The following SLC12A1 variants were observed in gnomAD, a reference collection of about 807,000 sequenced individuals.
SLC12A1 encodes the protein solute carrier family 12 member 1, also known as Na-K-2Cl cotransporter.
Under a neutral mutation model 130.4 loss-of-function variants are expected in SLC12A1, and 89 were observed. That is an observed-to-expected ratio of 0.68 (90% CI 0.58 to 0.81). The LOEUF is 0.81. SLC12A1 is among the 40% of genes least tolerant of loss of function. The pLI is 0.00. For missense variants in SLC12A1, 1,310 were observed against 1,336.4 expected (o/e 0.98, Z 0.31); for synonymous variants, 499 against 460.0 (o/e 1.08, Z -1.09).
rs371294005 is a variant in SLC12A1 at position 48,234,888 on chromosome 15, G to A, written c.1099G>A (p.Ala367Thr). The change falls in exon 9 of 27, where the codon GCA becomes ACA. Residue 367 changes from alanine to threonine, a missense_variant. By Grantham distance (58) the Ala-to-Thr change is moderately conservative. Coordinates refer to ENST00000380993, the MANE Select transcript of SLC12A1 (RefSeq NM_000338.3). Reference protein sequence around the residue: ...GFFNYQASIFAENFGPRFTKG... With the variant: ...GFFNYQASIFTENFGPRFTKG... ...AATTTATGTTGCAGCATCAATATTTGCAGAAAACTTTGGGCCACGCTTCAC... is the reference window on the plus strand; with the variant it reads ...AATTTATGTTGCAGCATCAATATTTACAGAAAACTTTGGGCCACGCTTCAC... The A allele has an allele frequency of 5.9e-5, 95 of 1,613,630 alleles. No individual in the cohort carries two copies. Among genetic ancestry groups the A allele is most frequent in the Non-Finnish European group, 7.7e-5 (91 of 1,179,754 alleles).
rs1175659978 is a variant in SLC12A1, at chr15:48,267,612, C to G, written c.2206C>G (p.Gln736Glu). The G allele has an allele frequency of 1.2e-6, 2 of 1,613,486 alleles. No individual in the cohort carries two copies. The highest frequency in any genetic ancestry group is 1.7e-5 in the Admixed American group (1 of 59,972). Reference sequence around the variant, plus strand: ...GATGAACAGTGGCATGGCGAAAAAACAGGCCTGGCTTATAAAGAACAAAAT... The same window carrying G: ...GATGAACAGTGGCATGGCGAAAAAAGAGGCCTGGCTTATAAAGAACAAAAT... ...KEMNSGMAKK[Q>E]AWLIKNKIKA... Residue 736 changes from glutamine (Q) to glutamate (E), a missense_variant, in exon 18 of 27, where the codon CAG (glutamine) becomes GAG (glutamate). By Grantham distance (29) the Gln-to-Glu change is conservative. Coordinates refer to ENST00000380993, the MANE Select transcript of SLC12A1 (RefSeq NM_000338.3).
intron 2 of SLC12A1, among the ~76,000 whole-genome samples, chr15:48,208,995 G>T (rs2041018250): frequency 6.6e-6 from 1 of 152,218 alleles, no homozygotes; most frequent in East Asian, 1.9e-4. Flanking sequence ...CAGCAGAAGT[G>T]ACTAAACTTT....
At chr15:48,249,277 T>C (rs1160014762) in intron 13 of SLC12A1, among the ~76,000 whole-genome samples, 2 of 118,670 alleles carry the variant, frequency 1.7e-5, no homozygotes, top group African/African-American at 1.2e-4. Flanking sequence ...CCAGAAAAGC[T>C]ACAGGGAGTT....
chr15:48,267,595 G>A lies in SLC12A1; in HGVS notation c.2189G>A (p.Ser730Asn), dbSNP rs899498489. The A allele has an allele frequency of 1.2e-6, 2 of 1,613,588 alleles. No homozygotes were observed. Among genetic ancestry groups the A allele is most frequent in the Middle Eastern group, 3.3e-4 (2 of 6,060 alleles). ...PRKLCVKEMN[S>N]GMAKKQAWLI... ...AAACTGTGTGTTAAGGAGATGAACAGTGGCATGGCGAAAAAACAGGCCTGG... is the reference window on the plus strand; with the variant it reads ...AAACTGTGTGTTAAGGAGATGAACAATGGCATGGCGAAAAAACAGGCCTGG... Residue 730 changes from serine (S) to asparagine (N), a missense_variant, in exon 18 of 27, where the codon AGT becomes AAT. Coordinates refer to ENST00000380993, the MANE Select transcript of SLC12A1 (RefSeq NM_000338.3).
At chr15:48,267,837 T>C in intron 18 of SLC12A1, 136 bp downstream of exon 18, 1 of 908,534 alleles carries the variant, frequency 1.1e-6, no homozygotes, top group Non-Finnish European at 1.7e-6. Context: ...GGGATTATTT[T>C]GAATTCCTGG....
At chr15:48,227,638 G>C (rs1272155819) in intron 5 of SLC12A1, 1 of 159,232 alleles carries the variant, frequency 6.3e-6, no homozygotes, top group Non-Finnish European at 1.4e-5. Flanking sequence ...CATTAGAAGG[G>C]AATAAACAAA....
At chr15:48,226,725 G>T in intron 5 of SLC12A1, 154 bp downstream of exon 5, 3 of 660,136 alleles carry the variant, frequency 4.5e-6, no homozygotes, top group South Asian at 3.6e-5. Flanking sequence ...CCTAAGGTAC[G>T]ATGAGAATAG....
chr15:48,273,193 G>A (rs187767286), intron 19 of SLC12A1, among the ~76,000 whole-genome samples: 2 of 151,978 alleles, frequency 1.3e-5, no homozygotes, highest in Admixed American at 6.5e-5. Flanking sequence ...CCCTTCCGGA[G>A]GCTCTAGGAT....
At chr15:48,230,864 A>G (rs892552884) in intron 7 of SLC12A1, among the ~76,000 whole-genome samples, 13 of 151,352 alleles carry the variant, frequency 8.6e-5, no homozygotes, top group African/African-American at 3.0e-4. Flanking sequence ...CCCAAGAGAA[A>G]TGGCAAGTGT....
At chr15:48,292,363 G>T (rs1332630506) in intron 24 of SLC12A1, among the ~76,000 whole-genome samples, 1 of 152,034 alleles carries the variant, frequency 6.6e-6, no homozygotes. Flanking sequence ...TATGAATTTT[G>T]GGGGGACGTC....
chr15:48,219,600 G>T (rs1567304991), intron 2 of SLC12A1, among the ~76,000 whole-genome samples: 1 of 149,228 alleles, frequency 6.7e-6, no homozygotes, highest in African/African-American at 2.5e-5. Flanking sequence ...ATGAAAGAAA[G>T]AAAGAAAGAG....
Position 48,288,184 on chromosome 15 carries a change from T to C in SLC12A1, c.2761+10T>C, listed in dbSNP as rs2042080002. The C allele has an allele frequency of 1.9e-6, 3 of 1,605,476 alleles. No individual in the cohort carries two copies. Among genetic ancestry groups the C allele is most frequent in the Non-Finnish European group, 2.6e-6 (3 of 1,175,740 alleles). ...TTGTTTGATGATGGAGGTAAAAACT[T>C]TCAGAAAATACACTAGGGACAAGAA... is the stretch of plus-strand genomic sequence containing the variant. On this transcript the variant is annotated intron_variant, in intron 22 of 26. Transcript: ENST00000380993.
At chr15:48,261,691 A>G (rs74848231) in intron 17 of SLC12A1, among the ~76,000 whole-genome samples, 3,078 of 152,320 alleles carry the variant, frequency 0.02, 39 homozygotes, top group Non-Finnish European at 0.03. Flanking sequence ...TTCCAAAAGG[A>G]CAATGGTTGA....
At chr15:48,236,640 A>C (rs535523977) in intron 9 of SLC12A1, among the ~76,000 whole-genome samples, 2 of 152,310 alleles carry the variant, frequency 1.3e-5, no homozygotes, top group South Asian at 4.1e-4. Flanking sequence ...TAAATAAATA[A>C]AGGCATTTAG....
chr15:48,271,710 G>C (rs950352075), intron 19 of SLC12A1, among the ~76,000 whole-genome samples: 3 of 152,124 alleles, frequency 2.0e-5, no homozygotes, highest in African/African-American at 4.8e-5. Flanking sequence ...CTGGGGCCAC[G>C]TACTGTCATC....
intron 18 of SLC12A1, among the ~76,000 whole-genome samples, chr15:48,268,806 T>C (rs1236124678): frequency 1.3e-5 from 2 of 152,216 alleles, no homozygotes; most frequent in African/African-American, 4.8e-5. Flanking sequence ...TTGTCACTAT[T>C]AGTCATTTAT....
chr15:48,247,257 A>G (rs957624116), intron 12 of SLC12A1, 80 bp from the exon 13 acceptor site: 144 of 1,441,424 alleles, frequency 1.0e-4, no homozygotes, highest in Middle Eastern at 5.4e-4. Context: ...TCTTTCCCCA[A>G]ATCTTCTTGT....
At chr15:48,236,968 G>C in intron 9 of SLC12A1, 2 of 695,426 alleles carry the variant, frequency 2.9e-6, no homozygotes, top group Non-Finnish European at 5.2e-6. Flanking sequence ...GGCCCTCACT[G>C]AGTGCCTGTT....
In SLC12A1 at chr15:48,240,050, CAT is replaced by C. The variant is rs374160430; in HGVS notation, c.1216-1446_1216-1445del. On this transcript the variant is annotated intron_variant, in intron 9 of 26. Coordinates refer to ENST00000380993, the MANE Select transcript of SLC12A1 (RefSeq NM_000338.3). Reference sequence around the variant, plus strand: ...ATATCCATATATATATATATATATCCATATATATATATATATATATCCATATA... The same window carrying C: ...ATATCCATATATATATATATATATCCATATATATATATATATATCCATATA... Among the ~76,000 whole-genome samples, 38 of 6,412 alleles carry C rather than the reference CAT, an allele frequency of 5.9e-3. 1 individual carries two copies. Among genetic ancestry groups the C allele is most frequent in the African/African-American group, 0.011 (30 of 2,730 alleles). The allele number at this position is 6,412 out of a possible 152,430, so 4.2% of individuals were successfully genotyped here.
Sources: allele counts gnomAD v4.1 joint callset (sites outside exome capture counted in the v4.1 genomes callset), GRCh38; gene constraint gnomAD v4.1.1; transcripts MANE v1.5; gene names NCBI Gene and HGNC (gene_info 2026-07-23, HGNC 2026-07-21).